The following PRKN variants were observed in gnomAD, a reference collection of about 807,000 sequenced individuals.
PRKN encodes the protein E3 ubiquitin-protein ligase parkin.
In PRKN, 56 loss-of-function variants were observed where a neutral mutation model predicts 59.5. That is an observed-to-expected ratio of 0.94 (90% CI 0.76 to 1.18). The LOEUF (loss-of-function observed/expected upper bound fraction) is 1.18, where lower values mean the gene tolerates loss of function less well. Ranked by LOEUF, PRKN falls within the 50% of genes most tolerant of loss-of-function variation. PRKN has a pLI of 0.00. For missense variants in PRKN, 657 were observed against 596.4 expected (o/e 1.10, Z -1.06); for synonymous variants, 250 against 222.1 (o/e 1.13, Z -1.12).
intron 7 of PRKN, among the ~76,000 whole-genome samples, chr6:161,655,992 C>T (rs1329024859): frequency 1.3e-5 from 2 of 151,342 alleles, no homozygotes; most frequent in Non-Finnish European, 2.9e-5. Flanking sequence ...AACTGAGCAT[C>T]TTCCTGGCTG....
chr6:161,702,451 A>G (rs1008093654), intron 7 of PRKN, among the ~76,000 whole-genome samples: 3 of 152,002 alleles, frequency 2.0e-5, no homozygotes, highest in Non-Finnish European at 4.4e-5. Context: ...TCAAATAGGT[A>G]TGATTGTATG....
At chr6:162,621,900 C>T (rs1484378355) in intron 1 of PRKN, among the ~76,000 whole-genome samples, 1 of 152,134 alleles carries the variant, frequency 6.6e-6, no homozygotes, top group Non-Finnish European at 1.5e-5. Flanking sequence ...ACTGCAGCCT[C>T]CATCTCCGGG....
intron 1 of PRKN, among the ~76,000 whole-genome samples, chr6:162,537,682 G>A (rs1360687184): frequency 6.6e-6 from 1 of 152,090 alleles, no homozygotes; most frequent in Admixed American, 6.5e-5. Context: ...TGAAATAGAT[G>A]ACTCCTGCAA....
chr6:162,723,391 C>T (rs1779008877), intron 1 of PRKN, among the ~76,000 whole-genome samples: 1 of 152,218 alleles, frequency 6.6e-6, no homozygotes, highest in African/African-American at 2.4e-5. Context: ...CACTCTTATA[C>T]ACACTGAAAG....
intron 11 of PRKN, among the ~76,000 whole-genome samples, chr6:161,350,610 TA>T (rs1784492566): frequency 8.3e-6 from 1 of 120,798 alleles, no homozygotes; most frequent in Non-Finnish European, 1.6e-5. Flanking sequence ...TATTTATATT[TA>T]AAATATATAT....
chr6:162,265,628 T>C (rs1289792371), intron 2 of PRKN, among the ~76,000 whole-genome samples: 1 of 152,080 alleles, frequency 6.6e-6, no homozygotes, highest in African/African-American at 2.4e-5. Context: ...GAGGCGAAGG[T>C]TGCAGTGACC....
intron 2 of PRKN, among the ~76,000 whole-genome samples, chr6:162,364,124 G>A (rs1785294128): frequency 6.6e-6 from 1 of 152,144 alleles, no homozygotes; most frequent in South Asian, 2.1e-4. Context: ...TCACTGATTT[G>A]TAAGAGGGGT....
At chr6:161,991,117 C>A (rs545795534) in intron 5 of PRKN, among the ~76,000 whole-genome samples, 13 of 152,236 alleles carry the variant, frequency 8.5e-5, no homozygotes, top group Admixed American at 8.5e-4. Flanking sequence ...AATGAAAAAA[C>A]ATGCTAGGAA....
chr6:161,350,653 AT>A (rs1345281301), intron 11 of PRKN, among the ~76,000 whole-genome samples: 1 of 98,922 alleles, frequency 1.0e-5, no homozygotes, highest in African/African-American at 4.3e-5. Context: ...AAATATATAT[AT>A]TTTTATATAT....
intron 1 of PRKN, chr6:162,569,614 C>T (rs954919632): frequency 8.4e-6 from 6 of 711,296 alleles, no homozygotes; most frequent in African/African-American, 6.9e-5. Context: ...TTGGCTCTGA[C>T]ATGGGCTCCA....
chr6:161,567,022 GTT>G (rs71917520), intron 8 of PRKN, among the ~76,000 whole-genome samples: 4 of 87,102 alleles, frequency 4.6e-5, no homozygotes, highest in African/African-American at 2.0e-4. Context: ...CACTGTCCTT[GTT>G]TTTTTTTTTT....
rs1487229695 is a variant in PRKN at position 161,546,553 on chromosome 6, G to C, written c.1083+2301C>G. ...GCAAAAAGACAGGGAGGGAAAGGAA[G>C]GCATACAGTTCAGTGCATCCTTTAG... On this transcript the variant is annotated intron_variant, in intron 9 of 11. Transcript: ENST00000366898. This position sits in a 1 kb window ranked among gnomAD's most constrained non-coding sequence, Gnocchi z 4.4. Among the ~76,000 whole-genome samples the C allele has an allele frequency of 6.6e-6, 1 of 152,138 alleles. No homozygotes were observed. The highest frequency in any genetic ancestry group is 1.5e-5 in the Non-Finnish European group (1 of 68,034).
rs1243524355 is a variant in PRKN at position 161,363,544 on chromosome 6, TGGG to T, written c.1168-3342_1168-3340del. On this transcript the variant is annotated intron_variant, in intron 10 of 11. Coordinates refer to ENST00000366898, the MANE Select transcript of PRKN (RefSeq NM_004562.3). This position sits in a 1 kb window ranked among gnomAD's most constrained non-coding sequence, Gnocchi z 4.1. ...AAAATATGAAAAGGAGATTAAGAGA[TGGG>T]GGGATAAGGTGAGAAGGTCCAGTGT... Among the ~76,000 whole-genome samples, 1 of 151,888 alleles carries T rather than the reference TGGG, an allele frequency of 6.6e-6. No homozygotes were observed. The highest frequency in any genetic ancestry group is 1.5e-5 in the Non-Finnish European group (1 of 67,992).
intron 7 of PRKN, among the ~76,000 whole-genome samples, chr6:161,674,367 C>T (rs1005034575): frequency 6.6e-6 from 1 of 151,718 alleles, no homozygotes; most frequent in Non-Finnish European, 1.5e-5. Flanking sequence ...TTTAAATTAC[C>T]ACACTCATCT....
intron 2 of PRKN, among the ~76,000 whole-genome samples, chr6:162,324,285 A>T (rs911576294): frequency 3.3e-5 from 5 of 152,056 alleles, no homozygotes; most frequent in African/African-American, 4.8e-5. Flanking sequence ...GCTGGGAAAG[A>T]GTGGGGAAGG....
At chr6:162,667,088 ATAC>A (rs989636835) in intron 1 of PRKN, among the ~76,000 whole-genome samples, 6 of 152,132 alleles carry the variant, frequency 3.9e-5, no homozygotes, top group Non-Finnish European at 8.8e-5. Context: ...ATTCTTGATA[ATAC>A]TACTAAGAAC....
intron 6 of PRKN, among the ~76,000 whole-genome samples, chr6:161,830,439 A>G (rs1022735606): frequency 1.9e-4 from 29 of 151,756 alleles, no homozygotes; most frequent in Admixed American, 1.5e-3. Flanking sequence ...TTTTTAGTAG[A>G]GACAGTGTTT....
intron 6 of PRKN, among the ~76,000 whole-genome samples, chr6:161,840,322 C>T (rs1394904261): frequency 3.3e-5 from 5 of 152,110 alleles, no homozygotes; most frequent in South Asian, 4.1e-4. Flanking sequence ...TTGCAAAGAC[C>T]GGGAATCAGC....
Position 162,585,800 on chromosome 6 carries a change from C to T in PRKN, c.7+141862G>A, listed in dbSNP as rs562378778. The stretch of plus-strand genomic sequence containing the variant: ...TCACTGCAACCTCCACCTCCTGGGT[C>T]GAAGCCATCTCCTGCCTCAGCCTCC... On this transcript the variant is annotated intron_variant, in intron 1 of 11. Transcript: ENST00000366898. Among the ~76,000 whole-genome samples the T allele has an allele frequency of 2.3e-4, 35 of 152,068 alleles. 1 individual carries two copies. The South Asian group carries it at 5.2e-3, about 23-fold the overall frequency.
Sources: allele counts gnomAD v4.1 joint callset (sites outside exome capture counted in the v4.1 genomes callset), GRCh38; gene constraint gnomAD v4.1.1; non-coding constraint Gnocchi (gnomAD v3.1); transcripts MANE v1.5; gene names NCBI Gene and HGNC (gene_info 2026-07-23, HGNC 2026-07-21).